The following TSC2 variants were observed in gnomAD, a reference collection of about 807,000 sequenced individuals.
The protein encoded by TSC2 is tuberin.
TSC2 carries 29 observed loss-of-function variants against 202.2 expected under a neutral mutation model. The observed-to-expected ratio is 0.14, with a 90% CI of 0.11 to 0.20. The LOEUF is 0.20. Ranked by LOEUF, TSC2 falls within the 10% of genes least tolerant of loss-of-function variation. The probability of loss-of-function intolerance (pLI) is 1.00; values close to 1 mark genes in which losing one functional copy is unlikely to be tolerated. For missense variants in TSC2, 2,429 were observed against 2,420.0 expected (o/e 1.00, Z -0.08); for synonymous variants, 1,349 against 1,044.0 (o/e 1.29, Z -5.63).
intron 26 of TSC2, 102 bp downstream of exon 26, chr16:2,077,828 C>G: frequency 6.4e-7 from 1 of 1,573,818 alleles, no homozygotes; most frequent in Non-Finnish European, 8.6e-7. Context: ...ATCGTCTGCC[C>G]GTGTCCTCCC....
In TSC2 at chr16:2,080,272, G is replaced by A. The variant is rs773900333; in HGVS notation, c.3505G>A (p.Ala1169Thr). The part of the protein sequence containing the change: ...RTAPAAKPEK[A>T]SAGTRVPVQE... Reference sequence around the variant, plus strand: ...TGCACCAGCCGCGAAACCTGAGAAGGCCTCAGCTGGCACCCGGGTTCCTGT... The same window carrying A: ...TGCACCAGCCGCGAAACCTGAGAAGACCTCAGCTGGCACCCGGGTTCCTGT... Residue 1169 changes from alanine (A) to threonine (T), a missense_variant, in exon 30 of 42, where the codon GCC becomes ACC. Ala to Thr is a moderately conservative substitution (Grantham distance 58). Coordinates refer to ENST00000219476, the MANE Select transcript of TSC2 (RefSeq NM_000548.5). The A allele has an allele frequency of 4.3e-6, 7 of 1,612,994 alleles. No homozygotes were observed. In the East Asian group the frequency reaches 1.3e-4, roughly 31 times the overall value.
intron 30 of TSC2, chr16:2,080,738 C>T (rs989940518): frequency 2.9e-5 from 8 of 277,794 alleles, no homozygotes; most frequent in African/African-American, 4.4e-5. Context: ...CCCGCCTTGG[C>T]CTCCCAAAGT....
At chr16:2,054,476 T>C in intron 5 of TSC2, 36 bp downstream of exon 5, 1 of 1,613,572 alleles carries the variant, frequency 6.2e-7, no homozygotes, top group Non-Finnish European at 8.5e-7. Context: ...TTCTCTGGCC[T>C]TGACGATCAA....
intron 26 of TSC2, 35 bp downstream of exon 26, chr16:2,077,761 G>A (rs774555904): frequency 2.0e-5 from 32 of 1,608,802 alleles, no homozygotes; most frequent in Non-Finnish European, 2.5e-5. Flanking sequence ...CACGGACCCT[G>A]GAGCTTGGCC....
chr16:2,069,523 A>C (rs1207656935), intron 16 of TSC2, among the ~76,000 whole-genome samples: 1 of 145,432 alleles, frequency 6.9e-6, no homozygotes, highest in Non-Finnish European at 1.5e-5. Flanking sequence ...TCTGTCGCCC[A>C]GGCTGGAGTG....
rs753059579 is a variant in TSC2 at position 2,072,346 on chromosome 16, T to C, written c.2203T>C (p.Ser735Pro). ...CCCTTGCAGTGTGGACCAGCTGTGCTCTGCTCTCTGCTCCATGGTACCATG... is the reference window on the plus strand; with the variant it reads ...CCCTTGCAGTGTGGACCAGCTGTGCCCTGCTCTCTGCTCCATGGTACCATG... ...TSPCSVDQLC[S>P]ALCSMLSGPK... The change falls in exon 20 of 42, where the codon TCT becomes CCT. Residue 735 changes from serine (S) to proline (P), a missense_variant. Ser to Pro is a moderately conservative substitution (Grantham distance 74). Transcript: ENST00000219476. 1 of 1,614,122 alleles carries C rather than the reference T, an allele frequency of 6.2e-7. No homozygotes were observed.
chr16:2,085,403 C>T (rs2090650294), intron 36 of TSC2, 81 bp downstream of exon 36: 5 of 1,436,684 alleles, frequency 3.5e-6, no homozygotes, highest in Non-Finnish European at 4.9e-6. Context: ...TCTGGGCCCC[C>T]AACGCCCCAC....
In TSC2 at chr16:2,083,753, C is replaced by T. The variant is rs759988275; in HGVS notation, c.3942C>T (p.Pro1314=). 2.7e-5 allele frequency: 43 copies of T among 1,608,716 alleles called. No homozygotes were observed. In the Admixed American group the frequency reaches 6.1e-4, roughly 23 times the overall value. Residue 1314 remains proline, a synonymous_variant, in exon 33 of 42, where the codon CCC becomes CCT. Transcript: ENST00000219476. The part of the protein sequence containing the change: ...SPGEVPVLVE[P]PGLEDVEAAL... ...GCGAGGTTCCTGTGCTGGTGGAGCC[C>T]CCAGGGTTGGAGGACGTTGAGGCAG...
intron 25 of TSC2, chr16:2,077,259 G>T (rs529106502): frequency 5.4e-6 from 2 of 373,078 alleles, no homozygotes; most frequent in South Asian, 4.5e-5. Context: ...TGCCTTCCGC[G>T]GGTGGGTGGG....
intron 23 of TSC2, 54 bp downstream of exon 23, chr16:2,075,946 T>C (rs954908196): frequency 2.5e-6 from 4 of 1,612,246 alleles, no homozygotes; most frequent in Non-Finnish European, 3.4e-6. Context: ...CGCTAGGCCT[T>C]GCGGCAGAAA....
intron 17 of TSC2, 32 bp from the exon 18 acceptor site, chr16:2,071,478 G>C (rs1336280879): frequency 1.9e-6 from 3 of 1,612,030 alleles, no homozygotes; most frequent in African/African-American, 2.7e-5. Flanking sequence ...GCACGAGCTT[G>C]GCTCTGGCTT....
rs876660140 is a variant in TSC2, at chr16:2,070,546, A to G, written c.1807A>G (p.Thr603Ala). ...TCAGCTCCACTACAAGCACAGCTAC[A>G]CCCTGCCAATCGCGAGCAGCATCCG... ...HIQLHYKHSY[T>A]LPIASSIRLQ... is the part of the protein sequence containing the mutation. The change falls in exon 17 of 42, where the codon ACC (threonine) becomes GCC (alanine). Residue 603 changes from threonine (T) to alanine (A), a missense_variant. Physicochemically the swap from Thr to Ala is moderately conservative, Grantham distance 58. Coordinates refer to ENST00000219476, the MANE Select transcript of TSC2 (RefSeq NM_000548.5). 5 of 1,613,080 alleles carry G rather than the reference A, an allele frequency of 3.1e-6. No homozygotes were observed. The highest frequency in any genetic ancestry group is 2.2e-5 in the South Asian group (2 of 91,080).
intron 12 of TSC2, 108 bp downstream of exon 12, chr16:2,062,116 C>A (rs187724978): frequency 1.3e-6 from 2 of 1,506,528 alleles, no homozygotes; most frequent in South Asian, 1.2e-5. Context: ...GCCAGGTGGG[C>A]GCCTGCTTTC....
rs1366814192 is a variant in TSC2, at chr16:2,086,288, C to G, written c.4758C>G (p.Asp1586Glu). The change falls in exon 37 of 42, where the codon GAC becomes GAG. Residue 1586 changes from aspartate (D) to glutamate (E), a missense_variant. Coordinates refer to ENST00000219476, the MANE Select transcript of TSC2 (RefSeq NM_000548.5). Reference sequence around the variant, plus strand: ...TGGGCCGGCTCATCGAGCTGAAGGACTGCCAGCCGGACAAGGTGTACCTGG... The same window carrying G: ...TGGGCCGGCTCATCGAGCTGAAGGAGTGCCAGCCGGACAAGGTGTACCTGG... ...TGLGRLIELKDCQPDKVYLGG... is the reference protein window; with the variant it reads ...TGLGRLIELKECQPDKVYLGG... 2 of 1,612,786 alleles carry G rather than the reference C, an allele frequency of 1.2e-6. No individual in the cohort carries two copies. Among genetic ancestry groups the G allele is most frequent in the Non-Finnish European group, 1.7e-6 (2 of 1,179,976 alleles).
chr16:2,053,210 T>G, intron 3 of TSC2, 132 bp from the exon 4 acceptor site: 1 of 883,840 alleles, frequency 1.1e-6, no homozygotes, highest in South Asian at 1.4e-5. Context: ...AGATACGAGC[T>G]TTGGAGGTGG....
chr16:2,050,712 C>T (rs1283225742), intron 3 of TSC2, among the ~76,000 whole-genome samples: 4 of 151,596 alleles, frequency 2.6e-5, no homozygotes. Flanking sequence ...CTGCCTCAGC[C>T]TCCTGAGTAG....
intron 5 of TSC2, 166 bp from the exon 6 acceptor site, chr16:2,055,234 CCT>C: frequency 1.4e-6 from 1 of 702,138 alleles, no homozygotes. Flanking sequence ...CCTGGGCTCC[CCT>C]GAGCCTCTTC....
At chr16:2,050,300 C>A in intron 2 of TSC2, 100 bp from the exon 3 acceptor site, 1 of 1,128,860 alleles carries the variant, frequency 8.9e-7, no homozygotes, top group Non-Finnish European at 1.3e-6. Flanking sequence ...AGTCTCTAGT[C>A]TGGAAAATGC....
rs1596405337 is a variant in TSC2, at chr16:2,082,572, C to T, written c.3883+68C>T. The T allele has an allele frequency of 1.3e-5, 20 of 1,546,068 alleles. No homozygotes were observed. The highest frequency in any genetic ancestry group is 1.0e-4 in the South Asian group (9 of 89,906). ...TCTGCCTCATAGGTGCTGTGCTCGT[C>T]GCCTCATCCGCCCACCCCCATGGTC... On this transcript the variant is annotated intron_variant, in intron 32 of 41. Transcript: ENST00000219476.
Sources: allele counts gnomAD v4.1 joint callset (sites outside exome capture counted in the v4.1 genomes callset), GRCh38; gene constraint gnomAD v4.1.1; transcripts MANE v1.5; gene names NCBI Gene and HGNC (gene_info 2026-07-23, HGNC 2026-07-21).